The following SGCZ variants were observed in gnomAD, a reference collection of about 807,000 sequenced individuals.
The protein encoded by SGCZ is sarcoglycan zeta, also known as zeta-sarcoglycan.
SGCZ carries 40 observed loss-of-function variants against 41.3 expected under a neutral mutation model. The ratio of observed to expected loss-of-function variants is 0.97; its 90% confidence interval spans 0.75 to 1.26. SGCZ has a LOEUF of 1.26. Ranked by LOEUF, SGCZ falls within the 50% of genes most tolerant of loss-of-function variation. The pLI, the probability that SGCZ is intolerant of heterozygous loss-of-function variation, is 0.00. For missense variants in SGCZ, 552 were observed against 369.8 expected, an observed-to-expected ratio of 1.49 and a Z score of -4.04; for synonymous variants, 206 against 137.5, an observed-to-expected ratio of 1.50 and a Z score of -3.49.
chr8:15,078,682 G>A (rs1445388867), intron 1 of SGCZ, among the ~76,000 whole-genome samples: 1 of 151,556 alleles, frequency 6.6e-6, no homozygotes, highest in African/African-American at 2.4e-5. Flanking sequence ...TATGTTCTCT[G>A]ATATAAATAT....
Position 14,115,328 on chromosome 8 carries a change from G to C in SGCZ, c.548-7093C>G, listed in dbSNP as rs1802490418. On this transcript the variant is annotated intron_variant, in intron 5 of 7. Coordinates refer to ENST00000382080, the MANE Select transcript of SGCZ (RefSeq NM_139167.4). ...CACTTTTTAAAAGGCAGCAATATTT[G>C]ATTCAATTTACAGCTTCATTATAAA... 2.0e-5 allele frequency among the ~76,000 whole-genome samples: 3 copies of C among 151,920 alleles called. No individual in the cohort carries two copies. In the South Asian group the frequency reaches 6.2e-4, roughly 31 times the overall value.
intron 1 of SGCZ, among the ~76,000 whole-genome samples, chr8:14,751,280 T>C (rs974748570): frequency 5.9e-5 from 9 of 152,160 alleles, no homozygotes; most frequent in African/African-American, 2.2e-4. Flanking sequence ...ACAAGAAAAG[T>C]TGGAATCAGT....
chr8:14,815,113 T>A (rs1402348960), intron 1 of SGCZ, among the ~76,000 whole-genome samples: 1 of 152,196 alleles, frequency 6.6e-6, no homozygotes, highest in East Asian at 1.9e-4. Flanking sequence ...AAAGGCAGGG[T>A]ATTTGTTATT....
chr8:14,981,313 C>T (rs914647343), intron 1 of SGCZ, among the ~76,000 whole-genome samples: 1 of 152,132 alleles, frequency 6.6e-6, no homozygotes, highest in African/African-American at 2.4e-5. Flanking sequence ...TATTTCAAAA[C>T]TGAATACGTT....
chr8:14,827,226 C>T (rs1585296781), intron 1 of SGCZ, among the ~76,000 whole-genome samples: 1 of 141,812 alleles, frequency 7.1e-6, no homozygotes, highest in Admixed American at 7.0e-5. Context: ...ATCACATTTT[C>T]TTTTCTTTTC....
intron 1 of SGCZ, among the ~76,000 whole-genome samples, chr8:15,094,028 G>C (rs1466913758): frequency 1.3e-5 from 2 of 152,138 alleles, no homozygotes; most frequent in Non-Finnish European, 2.9e-5. Flanking sequence ...ACATTAAAAG[G>C]AACCAAATTA....
At chr8:14,395,545 G>A (rs1798891689) in intron 2 of SGCZ, among the ~76,000 whole-genome samples, 1 of 152,132 alleles carries the variant, frequency 6.6e-6, no homozygotes, top group Admixed American at 6.6e-5. Context: ...TGAAGGTACG[G>A]CTACTCTAAA....
At chr8:14,338,585 T>C (rs1427786266) in intron 2 of SGCZ, among the ~76,000 whole-genome samples, 1 of 152,216 alleles carries the variant, frequency 6.6e-6, no homozygotes, top group Non-Finnish European at 1.5e-5. Context: ...TATTCTCTTG[T>C]TTATTGAGGA....
In SGCZ at chr8:14,155,604, G is replaced by C. The variant is rs565512094; in HGVS notation, c.547+8976C>G. ...TCCTATGATTTCTTGTACATTTTTAGTTGGCATTCTATAGTAAAAATGATA... is the reference window on the plus strand; with the variant it reads ...TCCTATGATTTCTTGTACATTTTTACTTGGCATTCTATAGTAAAAATGATA... On this transcript the variant is annotated intron_variant, in intron 5 of 7. Transcript: ENST00000382080. Among the ~76,000 whole-genome samples, 23 of 151,874 alleles carry C rather than the reference G, an allele frequency of 1.5e-4. No homozygotes were observed. The South Asian group carries it at 4.4e-3, about 29-fold the overall frequency.
At chr8:15,145,332 G>A (rs1799008970) in intron 1 of SGCZ, among the ~76,000 whole-genome samples, 1 of 152,176 alleles carries the variant, frequency 6.6e-6, no homozygotes, top group East Asian at 1.9e-4. Context: ...GAGCTCAAGA[G>A]TTGTCAATAC....
intron 1 of SGCZ, among the ~76,000 whole-genome samples, chr8:14,712,076 C>T (rs1035054357): frequency 1.3e-5 from 2 of 152,310 alleles, no homozygotes. Context: ...CAAGACCAGC[C>T]TGGCCAACAT....
chr8:14,947,649 G>T (rs1045543156), intron 1 of SGCZ, among the ~76,000 whole-genome samples: 6 of 152,202 alleles, frequency 3.9e-5, no homozygotes, highest in African/African-American at 1.4e-4. Flanking sequence ...CCATGAGCAA[G>T]AGCAAATATC....
intron 1 of SGCZ, among the ~76,000 whole-genome samples, chr8:15,166,529 T>A (rs1799671705): frequency 6.6e-6 from 1 of 152,190 alleles, no homozygotes; most frequent in Non-Finnish European, 1.5e-5. Context: ...ATTACAGGTG[T>A]GAGCCACCAC....
intron 2 of SGCZ, among the ~76,000 whole-genome samples, chr8:14,343,165 G>A (rs1802769614): frequency 6.6e-6 from 1 of 152,232 alleles, no homozygotes; most frequent in South Asian, 2.1e-4. Flanking sequence ...ACACTTGGAT[G>A]CCCAGGCAAA....
chr8:14,759,887 G>A (rs1299707461), intron 1 of SGCZ, among the ~76,000 whole-genome samples: 2 of 152,130 alleles, frequency 1.3e-5, no homozygotes, highest in Non-Finnish European at 2.9e-5. Context: ...CCAGGTTCCA[G>A]GATCAACAGA....
At chr8:14,112,859 G>C (rs746312129) in intron 5 of SGCZ, among the ~76,000 whole-genome samples, 1 of 152,090 alleles carries the variant, frequency 6.6e-6, no homozygotes, top group East Asian at 1.9e-4. Flanking sequence ...TAGTGGAAAT[G>C]AGTTTGCAAC....
At chr8:14,669,730 AC>A (rs1273233368) in intron 1 of SGCZ, among the ~76,000 whole-genome samples, 9 of 141,958 alleles carry the variant, frequency 6.3e-5, no homozygotes, top group Non-Finnish European at 1.2e-4. Flanking sequence ...ACACACACAC[AC>A]AATATTTTGT....
Position 14,141,574 on chromosome 8 carries a change from A to T in SGCZ, c.547+23006T>A, listed in dbSNP as rs190579266. On this transcript the variant is annotated intron_variant, in intron 5 of 7. Transcript: ENST00000382080. ...ACAGACACATGCAAAAAGGCTCATC[A>T]TCACTGGCCATCAGAGAAATGCAAA... Among the ~76,000 whole-genome samples the T allele has an allele frequency of 1.5e-4, 23 of 152,368 alleles. No homozygotes were observed. In the East Asian group the frequency reaches 4.4e-3, roughly 29 times the overall value.
At chr8:14,472,997 C>A (rs1296028358) in intron 2 of SGCZ, among the ~76,000 whole-genome samples, 1 of 152,092 alleles carries the variant, frequency 6.6e-6, no homozygotes, top group Non-Finnish European at 1.5e-5. Flanking sequence ...AAGTGGTAAT[C>A]CAAGAGTCTT....
Sources: allele counts gnomAD v4.1 joint callset (sites outside exome capture counted in the v4.1 genomes callset), GRCh38; gene constraint gnomAD v4.1.1; transcripts MANE v1.5; gene names NCBI Gene and HGNC (gene_info 2026-07-23, HGNC 2026-07-21).